Variants in NRXN1 observed in about 807,000 individuals in gnomAD.
NRXN1 encodes neurexin-1.
A neutral mutation model predicts 150.9 loss-of-function variants in NRXN1; 39 were observed. That is an observed-to-expected ratio of 0.26 (90% CI 0.20 to 0.34). The LOEUF (loss-of-function observed/expected upper bound fraction) is 0.34. Ranked by LOEUF, NRXN1 falls within the 10% of genes least tolerant of loss-of-function variation. The probability of loss-of-function intolerance (pLI) is 1.00; values close to 1 mark genes in which losing one functional copy is unlikely to be tolerated. For missense variants in NRXN1, 1,815 were observed against 1,949.9 expected (o/e 0.93, Z 1.30); for synonymous variants, 924 against 757.0 (o/e 1.22, Z -3.62).
At chr2:50,531,541 A>G in intron 10 of NRXN1, 111 bp from the exon 11 acceptor site, 1 of 791,312 alleles carries the variant, frequency 1.3e-6, no homozygotes, top group East Asian at 2.7e-5. Flanking sequence ...AGAACACAAT[A>G]CTACAAAATC....
chr2:50,256,538 T>C (rs2067716417), intron 17 of NRXN1, among the ~76,000 whole-genome samples: 1 of 152,164 alleles, frequency 6.6e-6, no homozygotes, highest in Non-Finnish European at 1.5e-5. Flanking sequence ...AGTTACTTTA[T>C]GCTACCCAAT....
At chr2:50,070,581 T>A (rs1169562716) in intron 19 of NRXN1, among the ~76,000 whole-genome samples, 4 of 151,610 alleles carry the variant, frequency 2.6e-5, no homozygotes, top group African/African-American at 9.7e-5. Flanking sequence ...CCATCCCGGC[T>A]AAAACGGTGA....
At chr2:50,898,653 C>T (rs547727313) in intron 5 of NRXN1, 98 of 420,662 alleles carry the variant, frequency 2.3e-4, no homozygotes, top group Admixed American at 3.8e-4. Context: ...TCTAAATTCC[C>T]ACATTTCAAA....
At chr2:50,302,757 C>A (rs1192044138) in intron 17 of NRXN1, among the ~76,000 whole-genome samples, 1 of 152,098 alleles carries the variant, frequency 6.6e-6, no homozygotes, top group African/African-American at 2.4e-5. Flanking sequence ...CTCCTTTTCA[C>A]TGAAATTTAA....
intron 13 of NRXN1, among the ~76,000 whole-genome samples, chr2:50,503,465 T>C (rs2092058720): frequency 3.3e-5 from 5 of 149,530 alleles, no homozygotes; most frequent in Admixed American, 3.3e-4. Flanking sequence ...TAAGATAGCG[T>C]AATTATGAAG....
At chr2:50,452,353 A>G (rs1025773865) in intron 17 of NRXN1, among the ~76,000 whole-genome samples, 13 of 152,188 alleles carry the variant, frequency 8.5e-5, no homozygotes, top group African/African-American at 3.1e-4. Context: ...GGTTGAGGAA[A>G]AAGAAGAGAA....
At chr2:50,448,418 G>C (rs2086654162) in intron 17 of NRXN1, among the ~76,000 whole-genome samples, 1 of 152,118 alleles carries the variant, frequency 6.6e-6, no homozygotes, top group Non-Finnish European at 1.5e-5. Context: ...AAAAAAACGT[G>C]CAAAAAGATA....
intron 8 of NRXN1, among the ~76,000 whole-genome samples, chr2:50,584,742 T>C (rs149317092): frequency 1.3e-5 from 2 of 152,298 alleles, no homozygotes; most frequent in East Asian, 3.9e-4. Flanking sequence ...GCTGCCACTA[T>C]AGTTTGGTAT....
intron 18 of NRXN1, among the ~76,000 whole-genome samples, chr2:50,106,486 A>G (rs1701662254): frequency 6.6e-6 from 1 of 152,042 alleles, no homozygotes; most frequent in African/African-American, 2.4e-5. Context: ...AGCAATTAAC[A>G]AGTAATAACC....
intron 18 of NRXN1, among the ~76,000 whole-genome samples, chr2:50,214,025 GTTGT>G (rs1429075470): frequency 1.3e-5 from 2 of 151,846 alleles, no homozygotes; most frequent in Non-Finnish European, 2.9e-5. Flanking sequence ...TTATTTAGTT[GTTGT>G]TTATTTTGTG....
At chr2:50,407,722 C>T (rs13430435) in intron 17 of NRXN1, among the ~76,000 whole-genome samples, 35,795 of 151,916 alleles carry the variant, frequency 0.24, 4,537 homozygotes, top group East Asian at 0.43. Flanking sequence ...CACCACCTCA[C>T]CTCAGGACTC....
At chr2:51,021,954 A>AT (rs902126484) in intron 2 of NRXN1, among the ~76,000 whole-genome samples, 2 of 152,046 alleles carry the variant, frequency 1.3e-5, no homozygotes, top group East Asian at 1.9e-4. Flanking sequence ...TCAGAATGTG[A>AT]TTTTTTAACA....
intron 10 of NRXN1, among the ~76,000 whole-genome samples, chr2:50,535,822 A>AT (rs1413985569): frequency 6.6e-6 from 1 of 152,056 alleles, no homozygotes; most frequent in Admixed American, 6.6e-5. Context: ...TTGCAACATA[A>AT]TTTTTCCATG....
chr2:50,473,476 A>G (rs1052009267), intron 15 of NRXN1, among the ~76,000 whole-genome samples: 4 of 152,024 alleles, frequency 2.6e-5, no homozygotes, highest in African/African-American at 9.7e-5. Context: ...TAAACATTTA[A>G]TCAATGTGGA....
rs1370884450 is a variant in NRXN1 at position 50,888,616 on chromosome 2, C to A, written c.832+33253G>T. ...CCTCTCTGCAGAAAATCATGAACTG[C>A]AATAACTGTAATCCACCATTAGCTT... On this transcript the variant is annotated intron_variant, in intron 5 of 22. Transcript: ENST00000401669. 4.0e-5 allele frequency among the ~76,000 whole-genome samples: 6 copies of A among 151,654 alleles called. No homozygotes were observed. In the East Asian group the frequency reaches 9.7e-4, roughly 25 times the overall value.
At chr2:50,211,400 T>C (rs1446613003) in intron 18 of NRXN1, among the ~76,000 whole-genome samples, 1 of 151,598 alleles carries the variant, frequency 6.6e-6, no homozygotes, top group Non-Finnish European at 1.5e-5. Context: ...AATCAACTAT[T>C]TCTTCTTAAG....
At position 50,895,137 on chromosome 2, in the gene NRXN1, C is replaced by T. The variant is rs529374883; in HGVS notation, c.832+26732G>A. Among the ~76,000 whole-genome samples the T allele has an allele frequency of 4.6e-5, 7 of 152,228 alleles. No homozygotes were observed. The East Asian group carries it at 1.4e-3, about 29-fold the overall frequency. ...TTGCTATTCCCTCCCCCAAGTTTAACAGAAGCCTTAGAACCTTCAGTACAT... is the reference window on the plus strand; with the variant it reads ...TTGCTATTCCCTCCCCCAAGTTTAATAGAAGCCTTAGAACCTTCAGTACAT... On this transcript the variant is annotated intron_variant, in intron 5 of 22. Transcript: ENST00000401669.
chr2:50,580,250 G>C (rs1672050338), intron 8 of NRXN1, among the ~76,000 whole-genome samples: 1 of 152,122 alleles, frequency 6.6e-6, no homozygotes, highest in South Asian at 2.1e-4. Context: ...GTATGATGCT[G>C]GGTCTATTTT....
chr2:50,974,733 G>A (rs774377269), intron 2 of NRXN1, among the ~76,000 whole-genome samples: 50 of 151,778 alleles, frequency 3.3e-4, no homozygotes, highest in African/African-American at 1.1e-3. Context: ...TAAATCTAGC[G>A]TAATTGCAAT....
Sources: allele counts gnomAD v4.1 joint callset (sites outside exome capture counted in the v4.1 genomes callset), GRCh38; gene constraint gnomAD v4.1.1; transcripts MANE v1.5; gene names NCBI Gene and HGNC (gene_info 2026-07-23, HGNC 2026-07-21).